The following SLC27A2 variants were observed in gnomAD, a reference collection of about 807,000 sequenced individuals.
The protein encoded by SLC27A2 is long-chain fatty acid transport protein 2.
Under a neutral mutation model 60.0 loss-of-function variants are expected in SLC27A2, and 54 were observed. The observed-to-expected ratio is 0.90, with a 90% CI of 0.72 to 1.13. SLC27A2 has a LOEUF of 1.13. SLC27A2 is among the 50% of genes most tolerant of loss of function. The pLI, the probability that SLC27A2 is intolerant of heterozygous loss-of-function variation, is 0.00. For synonymous variants in SLC27A2, 297 were observed against 297.6 expected (o/e 1.00, Z 0.02); for missense variants, 739 against 777.6 (o/e 0.95, Z 0.59).
intron 4 of SLC27A2, among the ~76,000 whole-genome samples, chr15:50,211,132 C>T (rs1387235018): frequency 6.6e-6 from 1 of 152,212 alleles, no homozygotes; most frequent in Non-Finnish European, 1.5e-5. Flanking sequence ...CACACTATTA[C>T]AGCTGATGCT....
rs555678915 is a variant in SLC27A2, at chr15:50,182,878, G to T, written c.451G>T (p.Gly151Trp). 6.2e-7 allele frequency: 1 copy of T among 1,610,604 alleles called. No individual in the cohort carries two copies. Among genetic ancestry groups the T allele is most frequent in the African/African-American group, 1.3e-5 (1 of 75,020 alleles). Residue 151 changes from glycine (G) to tryptophan (W), a missense_variant, in exon 1 of 10, where the codon GGG becomes TGG. Gly to Trp is a radical substitution (Grantham distance 184). Transcript: ENST00000267842. ...CCTGCTGCACTGCTTCCAGTGCTGCGGGGCGAAGGTGCTGCTGGTGTCGCC... is the reference window on the plus strand; with the variant it reads ...CCTGCTGCACTGCTTCCAGTGCTGCTGGGCGAAGGTGCTGCTGGTGTCGCC... ...KSLLHCFQCC[G>W]AKVLLVSPEL...
intron 1 of SLC27A2, among the ~76,000 whole-genome samples, chr15:50,183,813 G>A (rs1017201476): frequency 1.2e-4 from 19 of 152,124 alleles, no homozygotes; most frequent in African/African-American, 4.6e-4. Context: ...AGGGAGCCGA[G>A]GAGCCTCAGC....
rs769958726 is a variant in SLC27A2, at chr15:50,226,005, C to G, written c.1185C>G (p.Asp395Glu). The G allele has an allele frequency of 3.1e-6, 5 of 1,596,978 alleles. 1 individual carries two copies. In the South Asian group the frequency reaches 5.5e-5, roughly 18 times the overall value. ...NYLQKKIITY[D>E]LIKYDVEKDE... ...CTTGCTAGAAAATCATAACTTATGACCTGATTAAATATGATGTGGAGAAAG... is the reference window on the plus strand; with the variant it reads ...CTTGCTAGAAAATCATAACTTATGAGCTGATTAAATATGATGTGGAGAAAG... The change falls in exon 6 of 10, where the codon GAC becomes GAG. Residue 395 changes from aspartate (D) to glutamate (E), a missense_variant. Coordinates refer to ENST00000267842, the MANE Select transcript of SLC27A2 (RefSeq NM_003645.4).
chr15:50,205,930 C>G (rs1183646383), intron 4 of SLC27A2, among the ~76,000 whole-genome samples: 3 of 152,138 alleles, frequency 2.0e-5, no homozygotes, highest in African/African-American at 7.2e-5. Context: ...GACTTTGAAA[C>G]CAGCCAGCCA....
chr15:50,200,171 A>G (rs1446962448), intron 2 of SLC27A2, among the ~76,000 whole-genome samples: 1 of 152,208 alleles, frequency 6.6e-6, no homozygotes. Flanking sequence ...GCTCATATCT[A>G]TAATCTCAAC....
intron 4 of SLC27A2, among the ~76,000 whole-genome samples, chr15:50,220,172 C>G (rs16963416): frequency 0.15 from 22,831 of 152,142 alleles, 1,770 homozygotes; most frequent in Middle Eastern, 0.18. Flanking sequence ...ATTATGAGCT[C>G]AGCTACCTGC....
intron 3 of SLC27A2, among the ~76,000 whole-genome samples, chr15:50,204,511 ATCACGAGG>A (rs1207252300): frequency 3.3e-5 from 5 of 151,956 alleles, no homozygotes; most frequent in Admixed American, 3.3e-4. Flanking sequence ...AGGGGTACAG[ATCACGAGG>A]TCAGGAGATT....
At chr15:50,203,380 A>ACTTGG (rs576576880) in intron 3 of SLC27A2, among the ~76,000 whole-genome samples, 681 of 30,658 alleles carry the variant, frequency 0.022, 2 homozygotes, top group African/African-American at 0.046. Context: ...CCATCAGAAT[A>ACTTGG]CTTGGCTTGG....
At chr15:50,200,126 T>A (rs1567429569) in intron 2 of SLC27A2, among the ~76,000 whole-genome samples, 1 of 152,224 alleles carries the variant, frequency 6.6e-6, no homozygotes, top group Non-Finnish European at 1.5e-5. Context: ...AAGATGAGCA[T>A]TTCTTTTTAA....
At chr15:50,198,713 T>C (rs896128202) in intron 2 of SLC27A2, among the ~76,000 whole-genome samples, 14 of 152,178 alleles carry the variant, frequency 9.2e-5, no homozygotes, top group African/African-American at 3.4e-4. Flanking sequence ...ATTGGAAAAT[T>C]GAATCTATGA....
At chr15:50,184,588 C>A (rs2140892739) in intron 1 of SLC27A2, among the ~76,000 whole-genome samples, 1 of 152,142 alleles carries the variant, frequency 6.6e-6, no homozygotes, top group African/African-American at 2.4e-5. Flanking sequence ...GTAATCCCAG[C>A]ACTTTGGGAG....
chr15:50,210,617 G>C (rs961602752), intron 4 of SLC27A2, among the ~76,000 whole-genome samples: 1 of 152,188 alleles, frequency 6.6e-6, no homozygotes, highest in African/African-American at 2.4e-5. Flanking sequence ...GGGATAATTT[G>C]AACGGGGCAA....
chr15:50,217,992 T>C (rs1253393407), intron 4 of SLC27A2, among the ~76,000 whole-genome samples: 2 of 139,470 alleles, frequency 1.4e-5, no homozygotes, highest in Non-Finnish European at 3.0e-5. Context: ...AGGCAGAGGT[T>C]GCATCGAGCC....
intron 4 of SLC27A2, among the ~76,000 whole-genome samples, chr15:50,215,069 A>C (rs776488157): frequency 8.5e-5 from 13 of 152,132 alleles, no homozygotes; most frequent in Non-Finnish European, 1.9e-4. Flanking sequence ...GAAAACTCTT[A>C]AGGACTCCTC....
In SLC27A2 at chr15:50,236,026, C is replaced by G. The variant is rs1357502100; in HGVS notation, c.1793C>G (p.Thr598Arg). The part of the protein sequence containing the change: ...IKDALYFLDD[T>R]AKMYVPMTED... ...GATGCCTTGTATTTCTTGGATGACA[C>G]AGCAAAAATGTATGTGCCTATGACT... The change falls in exon 10 of 10, where the codon ACA (threonine) becomes AGA (arginine). Residue 598 changes from threonine (T) to arginine (R), a missense_variant. By Grantham distance (71) the Thr-to-Arg change is moderately conservative. Coordinates refer to ENST00000267842, the MANE Select transcript of SLC27A2 (RefSeq NM_003645.4). 6.2e-6 allele frequency: 10 copies of G among 1,613,940 alleles called. No homozygotes were observed. The highest frequency in any genetic ancestry group is 8.5e-6 in the Non-Finnish European group (10 of 1,179,948).
At chr15:50,184,471 C>T (rs968892130) in intron 1 of SLC27A2, among the ~76,000 whole-genome samples, 1 of 152,140 alleles carries the variant, frequency 6.6e-6, no homozygotes, top group African/African-American at 2.4e-5. Context: ...GAATCTTACA[C>T]ACCTGCTTCA....
intron 9 of SLC27A2, 77 bp downstream of exon 9, chr15:50,234,075 C>T (rs951610033): frequency 8.8e-6 from 12 of 1,361,272 alleles, no homozygotes; most frequent in African/African-American, 2.9e-5. Context: ...CTCGCCTTCT[C>T]CCAGGATGAC....
At chr15:50,228,716 C>T (rs1463821982) in intron 7 of SLC27A2, among the ~76,000 whole-genome samples, 1 of 152,142 alleles carries the variant, frequency 6.6e-6, no homozygotes, top group Non-Finnish European at 1.5e-5. Context: ...TATTGTGTTT[C>T]ATGTGGCAAC....
intron 4 of SLC27A2, among the ~76,000 whole-genome samples, chr15:50,214,248 C>T (rs1210069770): frequency 6.6e-6 from 1 of 152,046 alleles, no homozygotes; most frequent in Admixed American, 6.6e-5. Context: ...TACAACCCTC[C>T]TGGCTTAAAT....
Sources: gnomAD v4.1 joint callset for allele counts (sites outside exome capture counted in the v4.1 genomes callset) on GRCh38, gnomAD v4.1.1 for gene constraint, MANE v1.5 for transcripts, NCBI Gene and HGNC (gene_info 2026-07-23, HGNC 2026-07-21) for gene names.